Variants in PLSCR2 observed in about 807,000 individuals in gnomAD.
The protein encoded by PLSCR2 is phospholipid scramblase 2.
PLSCR2 carries 18 observed loss-of-function variants against 25.3 expected under a neutral mutation model. The observed-to-expected ratio is 0.71, with a 90% CI of 0.49 to 1.06. PLSCR2 has a LOEUF of 1.06. Among genes scored for constraint, PLSCR2 ranks in the 50% least tolerant of loss-of-function variants. The pLI, the probability that PLSCR2 is intolerant of heterozygous loss-of-function variation, is 0.00. For missense variants in PLSCR2, 243 were observed against 269.5 expected, an observed-to-expected ratio of 0.90 and a Z score of 0.69; for synonymous variants, 88 against 87.3, an observed-to-expected ratio of 1.01 and a Z score of -0.04.
At chr3:146,481,844 A>C (rs1048397311) in intron 1 of PLSCR2, among the ~76,000 whole-genome samples, 1 of 152,252 alleles carries the variant, frequency 6.6e-6, no homozygotes, top group African/African-American at 2.4e-5. Context: ...ACAAGGTTAC[A>C]GTAACCAAAA....
intron 2 of PLSCR2, among the ~76,000 whole-genome samples, chr3:146,410,033 G>A (rs2038794560): frequency 6.6e-6 from 1 of 151,696 alleles, no homozygotes; most frequent in Non-Finnish European, 1.5e-5. Context: ...TTCTAGACCT[G>A]TACTCTAAAT....
At chr3:146,453,860 G>C in intron 5 of PLSCR2, 142 bp downstream of exon 5, 1 of 584,966 alleles carries the variant, frequency 1.7e-6, no homozygotes, top group Non-Finnish European at 2.7e-6. Context: ...CCTCCACTCT[G>C]ACCAAAGTTA....
At position 146,489,412 on chromosome 3, in the gene PLSCR2, C is replaced by G. The variant is rs569339904; in HGVS notation, c.-293+6483G>C. Among the ~76,000 whole-genome samples, 3 of 152,206 alleles carry G rather than the reference C, an allele frequency of 2.0e-5. No homozygotes were observed. In the South Asian group the frequency reaches 6.2e-4, roughly 31 times the overall value. On this transcript the variant is annotated intron_variant, in intron 1 of 8. Transcript: ENST00000336685. ...CAGAGTTAGGTCAAATAAAGACAAG[C>G]TCTGCAAATGGATTTTCAAGGGAAC...
At chr3:146,459,988 G>A (rs1576680064) in exon 2 of PLSCR2, 1 of 1,613,328 alleles carries the variant, frequency 6.2e-7, no homozygotes, top group African/African-American at 1.3e-5. Flanking sequence ...TAGTCATGCT[G>A]ACGTCCTGGG....
chr3:146,446,110 C>T (rs1281454128), intron 6 of PLSCR2, among the ~76,000 whole-genome samples: 9 of 152,050 alleles, frequency 5.9e-5, no homozygotes, highest in Non-Finnish European at 1.2e-4. Flanking sequence ...ATTCTCTGTC[C>T]ATAAGTTCAC....
chr3:146,474,741 C>G (rs1454432878), intron 1 of PLSCR2, among the ~76,000 whole-genome samples: 2 of 152,090 alleles, frequency 1.3e-5, no homozygotes, highest in Non-Finnish European at 2.9e-5. Flanking sequence ...TTTCCAACTT[C>G]TTTTCATTCT....
chr3:146,476,282 G>C (rs899501616), intron 1 of PLSCR2, among the ~76,000 whole-genome samples: 1 of 152,226 alleles, frequency 6.6e-6, no homozygotes, highest in African/African-American at 2.4e-5. Context: ...CCTCACCTGA[G>C]AGCCACATGG....
At chr3:146,434,356 C>A (rs1162353359) in intron 8 of PLSCR2, among the ~76,000 whole-genome samples, 2 of 151,984 alleles carry the variant, frequency 1.3e-5, no homozygotes. Context: ...TAAATATGCA[C>A]TAGGAAAAAT....
At chr3:146,422,639 T>G (rs2039190263) in intron 2 of PLSCR2, among the ~76,000 whole-genome samples, 1 of 152,116 alleles carries the variant, frequency 6.6e-6, no homozygotes, top group Non-Finnish European at 1.5e-5. Context: ...GCTACACTGG[T>G]TCTGACTTGA....
chr3:146,488,412 G>C (rs2108567310), intron 1 of PLSCR2, among the ~76,000 whole-genome samples: 1 of 152,034 alleles, frequency 6.6e-6, no homozygotes, highest in African/African-American at 2.4e-5. Context: ...TGAGAGAAAA[G>C]TTTTGCAGTC....
At chr3:146,453,850 C>A in intron 5 of PLSCR2, 152 bp downstream of exon 5, 1 of 528,816 alleles carries the variant, frequency 1.9e-6, no homozygotes, top group Non-Finnish European at 3.2e-6. Flanking sequence ...TCAGTAATAA[C>A]CTCCACTCTG....
At chr3:146,429,547 G>A (rs2039469555), downstream of PLSCR2, among the ~76,000 whole-genome samples, 2 of 152,132 alleles carry the variant, frequency 1.3e-5, no homozygotes, top group South Asian at 4.1e-4. Context: ...AAGCAGCAAA[G>A]CATTCAAGAT....
chr3:146,432,171 C>A (rs1479485809), downstream of PLSCR2, among the ~76,000 whole-genome samples: 13 of 152,126 alleles, frequency 8.5e-5, no homozygotes, highest in Admixed American at 8.5e-4. Context: ...TCTGTATGAA[C>A]TTACCGTGTC....
chr3:146,484,503 T>C (rs531532695), intron 1 of PLSCR2, among the ~76,000 whole-genome samples: 1 of 152,072 alleles, frequency 6.6e-6, no homozygotes, highest in African/African-American at 2.4e-5. Flanking sequence ...TTCTCCAAGG[T>C]TGAAATGAAG....
downstream of PLSCR2, among the ~76,000 whole-genome samples, chr3:146,439,375 A>G (rs1291772421): frequency 2.0e-5 from 3 of 152,168 alleles, no homozygotes; most frequent in African/African-American, 4.8e-5. Context: ...TGTGTTTTCC[A>G]ACTTGGTTCC....
intron 1 of PLSCR2, among the ~76,000 whole-genome samples, chr3:146,478,704 G>A (rs1207851738): frequency 1.3e-5 from 2 of 152,164 alleles, no homozygotes; most frequent in African/African-American, 4.8e-5. Flanking sequence ...CCCCAACCTA[G>A]CAAGGCAGGC....
intron 2 of PLSCR2, among the ~76,000 whole-genome samples, chr3:146,419,320 C>G (rs1169813205): frequency 6.6e-6 from 1 of 152,098 alleles, no homozygotes; most frequent in African/African-American, 2.4e-5. Context: ...TGAGCTCTCA[C>G]ATACAGTACT....
intron 1 of PLSCR2, among the ~76,000 whole-genome samples, chr3:146,480,972 A>T (rs2043109068): frequency 1.3e-5 from 2 of 152,184 alleles, no homozygotes; most frequent in Non-Finnish European, 2.9e-5. Flanking sequence ...AACAGAACCA[A>T]TGACAAAAAA....
intron 5 of PLSCR2, among the ~76,000 whole-genome samples, chr3:146,450,781 G>C (rs2108320770): frequency 6.6e-6 from 1 of 152,136 alleles, no homozygotes; most frequent in Middle Eastern, 3.4e-3. Flanking sequence ...TAACTTACTA[G>C]CTACCATAAA....
Sources: gnomAD v4.1 joint callset for allele counts (sites outside exome capture counted in the v4.1 genomes callset) on GRCh38, gnomAD v4.1.1 for gene constraint, MANE v1.5 for transcripts, NCBI Gene and HGNC (gene_info 2026-07-23, HGNC 2026-07-21) for gene names.